CNTN3: variants seen among roughly 807,000 people sequenced by gnomAD.
CNTN3 encodes contactin 3, also known as contactin-3.
A neutral mutation model predicts 119.1 loss-of-function variants in CNTN3; 60 were observed. The ratio of observed to expected loss-of-function variants is 0.50; its 90% CI spans 0.41 to 0.62. The LOEUF (loss-of-function observed/expected upper bound fraction) is 0.62, where lower values mean the gene tolerates loss of function less well. Among genes scored for constraint, CNTN3 ranks in the 20% least tolerant of loss-of-function variants. The pLI is 0.00. For missense variants in CNTN3, 1,101 were observed against 1,242.4 expected, an observed-to-expected ratio of 0.89 and a Z score of 1.71; for synonymous variants, 450 against 438.7, an observed-to-expected ratio of 1.03 and a Z score of -0.32.
chr3:74,424,246 T>C (rs1701659159), intron 5 of CNTN3, among the ~76,000 whole-genome samples: 1 of 152,092 alleles, frequency 6.6e-6, no homozygotes, highest in Non-Finnish European at 1.5e-5. Context: ...TGTGCTGAAG[T>C]TCATTTTTAC....
Position 74,540,079 on chromosome 3 carries a change from G to A in CNTN3, c.-80-18887C>T, listed in dbSNP as rs74448142. 1.3e-3 allele frequency among the ~76,000 whole-genome samples: 196 copies of A among 152,178 alleles called. 5 individuals are homozygous for A. In the East Asian group the frequency reaches 0.035, roughly 27 times the overall value. Reference sequence around the variant, plus strand: ...GGAAAGTGCACAGTTAGCAAAACACGTCCCTTCTTGAGGGCTGGCAGCCAT... The same window carrying A: ...GGAAAGTGCACAGTTAGCAAAACACATCCCTTCTTGAGGGCTGGCAGCCAT... On this transcript the variant is annotated intron_variant, in intron 1 of 22. Coordinates refer to ENST00000263665, the MANE Select transcript of CNTN3 (RefSeq NM_020872.3).
chr3:74,490,149 T>C (rs1260766686), intron 3 of CNTN3, among the ~76,000 whole-genome samples: 1 of 152,186 alleles, frequency 6.6e-6, no homozygotes, highest in Non-Finnish European at 1.5e-5. Context: ...ATACTGACAT[T>C]GACTTTTAAA....
chr3:74,495,293 T>C (rs1703040235), intron 3 of CNTN3, among the ~76,000 whole-genome samples: 1 of 152,058 alleles, frequency 6.6e-6, no homozygotes, highest in South Asian at 2.1e-4. Context: ...ATAACAATGA[T>C]ATCAGATCTT....
At chr3:74,517,107 C>A (rs1348488474) in intron 2 of CNTN3, among the ~76,000 whole-genome samples, 1 of 151,832 alleles carries the variant, frequency 6.6e-6, no homozygotes, top group Admixed American at 6.6e-5. Context: ...CTTTCTTAAC[C>A]AAACTCAAAT....
At chr3:74,513,191 T>A (rs1267401828) in intron 2 of CNTN3, among the ~76,000 whole-genome samples, 1 of 152,110 alleles carries the variant, frequency 6.6e-6, no homozygotes, top group Non-Finnish European at 1.5e-5. Context: ...GATGTTGCCA[T>A]GAACAAAGTA....
chr3:74,352,351 A>C (rs760703782), intron 11 of CNTN3, among the ~76,000 whole-genome samples: 1 of 152,164 alleles, frequency 6.6e-6, no homozygotes, highest in Non-Finnish European at 1.5e-5. Flanking sequence ...ACTGGTTTAA[A>C]AGACCATGTG....
chr3:74,591,458 A>G (rs536428856), intron 1 of CNTN3, among the ~76,000 whole-genome samples: 1 of 152,012 alleles, frequency 6.6e-6, no homozygotes, highest in Admixed American at 6.6e-5. Context: ...TGCAGTGGGA[A>G]AGTGGTGTGA....
At chr3:74,398,621 T>G (rs898418016) in intron 5 of CNTN3, among the ~76,000 whole-genome samples, 4 of 152,226 alleles carry the variant, frequency 2.6e-5, no homozygotes, top group Admixed American at 2.6e-4. Flanking sequence ...TTTTTCCCCA[T>G]GTTTTTTGTC....
chr3:74,588,309 T>C (rs1425025569), intron 1 of CNTN3, among the ~76,000 whole-genome samples: 1 of 151,958 alleles, frequency 6.6e-6, no homozygotes, highest in Non-Finnish European at 1.5e-5. Context: ...TATACACCAA[T>C]AACAGACAAA....
intron 11 of CNTN3, among the ~76,000 whole-genome samples, chr3:74,347,787 T>C (rs1183915043): frequency 2.0e-5 from 3 of 152,156 alleles, no homozygotes; most frequent in African/African-American, 7.2e-5. Context: ...CTTGCCCCAC[T>C]AAATCCTTGC....
chr3:74,305,129 G>A (rs1346512899), intron 13 of CNTN3, among the ~76,000 whole-genome samples: 2 of 152,072 alleles, frequency 1.3e-5, no homozygotes, highest in African/African-American at 2.4e-5. Flanking sequence ...CTCAAGTCAG[G>A]GTAAAAGGTG....
chr3:74,300,602 T>C (rs1438756920), intron 16 of CNTN3, among the ~76,000 whole-genome samples: 1 of 152,194 alleles, frequency 6.6e-6, no homozygotes, highest in African/African-American at 2.4e-5. Context: ...AGTTCCTCTA[T>C]TTCTCATATT....
chr3:74,349,320 A>T (rs1703764164), intron 11 of CNTN3, among the ~76,000 whole-genome samples: 1 of 152,150 alleles, frequency 6.6e-6, no homozygotes, highest in African/African-American at 2.4e-5. Context: ...TACTGAATAT[A>T]TAAAGAAACC....
intron 13 of CNTN3, among the ~76,000 whole-genome samples, chr3:74,322,622 T>C (rs1559546174): frequency 2.0e-5 from 3 of 152,132 alleles, no homozygotes; most frequent in African/African-American, 7.2e-5. Context: ...TACCATAAGA[T>C]CCAGCAATCA....
intron 1 of CNTN3, among the ~76,000 whole-genome samples, chr3:74,543,167 G>T (rs6805453): frequency 0.98 from 148,931 of 152,268 alleles, 72,916 homozygotes; most frequent in Middle Eastern, 1. Flanking sequence ...AGTTTCAAAG[G>T]ATTCAACAGG....
chr3:74,506,737 G>GAA (rs35051185), intron 2 of CNTN3, among the ~76,000 whole-genome samples: 296 of 13,722 alleles, frequency 0.022, 3 homozygotes, highest in African/African-American at 0.044. Context: ...CCATTTATCT[G>GAA]AAAAAAAAAA....
At chr3:74,344,596 T>C in intron 11 of CNTN3, among the ~76,000 whole-genome samples, 1 of 151,828 alleles carries the variant, frequency 6.6e-6, no homozygotes, top group African/African-American at 2.4e-5. Context: ...TAGCTGGGAC[T>C]ACAGGCGGCC....
chr3:74,453,423 C>G (rs1276660458), intron 4 of CNTN3, among the ~76,000 whole-genome samples: 1 of 151,954 alleles, frequency 6.6e-6, no homozygotes, highest in African/African-American at 2.4e-5. Context: ...CTTTATTAGT[C>G]TTGCTACCAG....
Position 74,485,032 on chromosome 3 carries a change from C to T in CNTN3, c.358+1424G>A, listed in dbSNP as rs549661641. Among the ~76,000 whole-genome samples the T allele has an allele frequency of 4.9e-4, 74 of 152,186 alleles. 1 individual carries two copies. The highest frequency in any genetic ancestry group is 9.7e-4 in the Non-Finnish European group (66 of 67,992). Reference sequence around the variant, plus strand: ...TAGTTGGCAGTAATGCCAGGTAAAACATGGATACATCATAGATTTTGCCAA... The same window carrying T: ...TAGTTGGCAGTAATGCCAGGTAAAATATGGATACATCATAGATTTTGCCAA... On this transcript the variant is annotated intron_variant, in intron 4 of 22. Coordinates refer to ENST00000263665, the MANE Select transcript of CNTN3 (RefSeq NM_020872.3).
Sources: allele counts gnomAD v4.1 joint callset (sites outside exome capture counted in the v4.1 genomes callset), GRCh38; gene constraint gnomAD v4.1.1; transcripts MANE v1.5; gene names NCBI Gene and HGNC (gene_info 2026-07-23, HGNC 2026-07-21).